Variants in HLCS observed in about 807,000 individuals in gnomAD.
HLCS encodes the protein holocarboxylase synthetase.
In HLCS, 53 loss-of-function variants were observed where a neutral mutation model predicts 75.0. The observed-to-expected ratio is 0.71, with a 90% CI of 0.57 to 0.89. HLCS has a LOEUF of 0.89. HLCS is among the 40% of genes least tolerant of loss of function. The probability of loss-of-function intolerance (pLI) is 0.00; values close to 1 mark genes in which losing one functional copy is unlikely to be tolerated. For missense variants in HLCS, 966 were observed against 1,074.0 expected (o/e 0.90, Z 1.41); for synonymous variants, 431 against 428.6 (o/e 1.01, Z -0.07).
chr21:36,888,810 G>A (rs143446946), intron 6 of HLCS, among the ~76,000 whole-genome samples: 2 of 151,980 alleles, frequency 1.3e-5, no homozygotes, highest in African/African-American at 2.4e-5. Flanking sequence ...CAGAGCTAGT[G>A]AATGACAAAG....
chr21:36,963,477 T>C (rs2068413753), intron 1 of HLCS, among the ~76,000 whole-genome samples: 1 of 152,152 alleles, frequency 6.6e-6, no homozygotes, highest in Non-Finnish European at 1.5e-5. Context: ...GTATGTCCAC[T>C]TAGGCCGGGC....
At chr21:36,763,703 G>A (rs1050499444) in intron 8 of HLCS, among the ~76,000 whole-genome samples, 10 of 152,116 alleles carry the variant, frequency 6.6e-5, no homozygotes. Flanking sequence ...GGGGAGGGAG[G>A]CAGGAATCTC....
intron 6 of HLCS, among the ~76,000 whole-genome samples, chr21:36,864,610 A>G (rs1294727991): frequency 6.6e-6 from 1 of 152,206 alleles, no homozygotes; most frequent in Admixed American, 6.5e-5. Flanking sequence ...TTTTCATATT[A>G]TGAATTGATT....
At chr21:36,906,218 A>G (rs1385931493) in intron 5 of HLCS, among the ~76,000 whole-genome samples, 1 of 152,156 alleles carries the variant, frequency 6.6e-6, no homozygotes, top group Non-Finnish European at 1.5e-5. Context: ...GAAAACTACA[A>G]AACACTCCTG....
At chr21:36,821,381 C>T (rs1259968838) in intron 6 of HLCS, among the ~76,000 whole-genome samples, 2 of 152,128 alleles carry the variant, frequency 1.3e-5, no homozygotes, top group African/African-American at 4.8e-5. Context: ...TGAACCACTG[C>T]CAAGAAGATG....
In HLCS at chr21:36,962,055, C is replaced by T. The variant is rs2068324725; in HGVS notation, c.311G>A (p.Arg104Lys). Residue 104 changes from arginine (R) to lysine (K), a missense_variant, in exon 2 of 11, where the codon AGA (arginine) becomes AAA (lysine). Coordinates refer to ENST00000674895, the MANE Select transcript of HLCS (RefSeq NM_001352514.2). ...SIWVQSENLQ[R>K]SSSSETIVKW... The stretch of plus-strand genomic sequence containing the variant: ...ACTCACTGTTTCTGAAGAGGATGAT[C>T]TCTGTAAATTCTCACTTTGTACCCA... 7.8e-7 allele frequency: 1 copy of T among 1,289,246 alleles called. No homozygotes were observed. Among genetic ancestry groups the T allele is most frequent in the African/African-American group, 1.5e-5 (1 of 65,748 alleles). 79.9% of individuals were successfully genotyped at this position (1,289,246 alleles called of 1,614,324 possible).
At chr21:36,772,457 C>A (rs2145799390) in intron 6 of HLCS, among the ~76,000 whole-genome samples, 1 of 151,432 alleles carries the variant, frequency 6.6e-6, no homozygotes, top group African/African-American at 2.4e-5. Flanking sequence ...GGCCACATGG[C>A]AAAACCCCAT....
chr21:36,987,526 T>C (rs1466305335), intron 1 of HLCS, among the ~76,000 whole-genome samples: 1 of 152,054 alleles, frequency 6.6e-6, no homozygotes, highest in East Asian at 1.9e-4. Context: ...GGCAGAAGAA[T>C]TGTCTGAACC....
intron 6 of HLCS, among the ~76,000 whole-genome samples, chr21:36,780,373 C>T (rs561303701): frequency 1.3e-5 from 2 of 152,276 alleles, no homozygotes; most frequent in African/African-American, 2.4e-5. Context: ...TGCCCACCAC[C>T]ACGCCTGGCT....
chr21:36,849,216 A>G (rs1476776906), intron 6 of HLCS, among the ~76,000 whole-genome samples: 1 of 152,250 alleles, frequency 6.6e-6, no homozygotes, highest in East Asian at 1.9e-4. Context: ...AGAGAGCCAC[A>G]GGTTCTCAGA....
At chr21:36,785,748 G>A (rs2060667599) in intron 6 of HLCS, among the ~76,000 whole-genome samples, 1 of 152,064 alleles carries the variant, frequency 6.6e-6, no homozygotes, top group Non-Finnish European at 1.5e-5. Context: ...GGTGTATCCT[G>A]GCCTTGTTCC....
At chr21:36,775,569 G>A (rs768049398) in intron 6 of HLCS, among the ~76,000 whole-genome samples, 1 of 152,236 alleles carries the variant, frequency 6.6e-6, no homozygotes, top group Admixed American at 6.5e-5. Flanking sequence ...CTCTGACGGC[G>A]AGCCTTCACT....
intron 5 of HLCS, among the ~76,000 whole-genome samples, chr21:36,923,499 C>T (rs1202466288): frequency 6.6e-6 from 1 of 152,172 alleles, no homozygotes; most frequent in Non-Finnish European, 1.5e-5. Context: ...CACCCCTTCA[C>T]CAGGCCAGAC....
chr21:36,835,495 ACT>A (rs1168119733), intron 6 of HLCS, among the ~76,000 whole-genome samples: 5 of 152,136 alleles, frequency 3.3e-5, no homozygotes, highest in South Asian at 4.1e-4. Context: ...TAATTTTATC[ACT>A]CTGTCCCTCC....
At chr21:36,946,125 C>T (rs1373693306) in intron 2 of HLCS, 1 of 984,988 alleles carries the variant, frequency 1.0e-6, no homozygotes, top group Non-Finnish European at 1.2e-6. Context: ...CATGAGAAAC[C>T]ACATCATCCC....
At chr21:36,794,410 T>C (rs143771762) in intron 6 of HLCS, among the ~76,000 whole-genome samples, 2 of 152,328 alleles carry the variant, frequency 1.3e-5, no homozygotes, top group Non-Finnish European at 2.9e-5. Context: ...AGTGAGAGCA[T>C]ACCATGAAGA....
At chr21:36,837,808 AGCCCAGC>A (rs1458959969) in intron 6 of HLCS, among the ~76,000 whole-genome samples, 2 of 152,174 alleles carry the variant, frequency 1.3e-5, no homozygotes, top group East Asian at 3.9e-4. Context: ...GGCTCGGTCC[AGCCCAGC>A]CCCTGTTGAT....
At chr21:36,776,578 C>A (rs903051267) in intron 6 of HLCS, among the ~76,000 whole-genome samples, 2 of 152,154 alleles carry the variant, frequency 1.3e-5, no homozygotes, top group Non-Finnish European at 2.9e-5. Context: ...CCATGCCCGG[C>A]TAATTTTTGT....
intron 6 of HLCS, among the ~76,000 whole-genome samples, chr21:36,786,296 TA>T (rs1265831913): frequency 3.3e-5 from 5 of 149,666 alleles, no homozygotes; most frequent in Non-Finnish European, 3.0e-5. Flanking sequence ...TTTTTTTTTT[TA>T]AATCTAAAAA....
Sources: allele counts gnomAD v4.1 joint callset (sites outside exome capture counted in the v4.1 genomes callset), GRCh38; gene constraint gnomAD v4.1.1; transcripts MANE v1.5; gene names NCBI Gene and HGNC (gene_info 2026-07-23, HGNC 2026-07-21).